PEAK1: variants seen among roughly 807,000 people sequenced by gnomAD.
PEAK1 encodes the protein inactive tyrosine-protein kinase PEAK1.
In PEAK1, 54 loss-of-function variants were observed where a neutral mutation model predicts 124.7. The ratio of observed to expected loss-of-function variants is 0.43; its 90% CI spans 0.35 to 0.54. PEAK1 has a LOEUF of 0.54. Ranked by LOEUF, PEAK1 falls within the 20% of genes least tolerant of loss-of-function variation. The pLI is 0.01. For missense variants in PEAK1, 2,046 were observed against 2,134.5 expected (o/e 0.96, Z 0.82); for synonymous variants, 719 against 760.0 (o/e 0.95, Z 0.89).
At chr15:77,126,739 T>C (rs2052409123) in intron 9 of PEAK1, among the ~76,000 whole-genome samples, 1 of 152,192 alleles carries the variant, frequency 6.6e-6, no homozygotes. Flanking sequence ...CACAGTGATA[T>C]CTTCAGAACT....
chr15:77,335,058 T>G (rs2066114353), intron 2 of PEAK1: 2 of 985,432 alleles, frequency 2.0e-6, no homozygotes, highest in Non-Finnish European at 2.4e-6. Context: ...TGGACAGGTT[T>G]CTTCTAGGGA....
chr15:77,132,043 AT>A (rs2052907908), intron 9 of PEAK1, among the ~76,000 whole-genome samples: 1 of 152,018 alleles, frequency 6.6e-6, no homozygotes, highest in Non-Finnish European at 1.5e-5. Context: ...CAGACCTCAT[AT>A]TTTTAGGTAG....
chr15:77,376,901 A>G (rs1057063573), intron 1 of PEAK1, among the ~76,000 whole-genome samples: 3 of 152,212 alleles, frequency 2.0e-5, no homozygotes, highest in Non-Finnish European at 4.4e-5. Context: ...ACAGGGATAC[A>G]TTCTGAGAAA....
chr15:77,352,346 A>G lies in PEAK1; in HGVS notation c.-603+12817T>C, dbSNP rs1308701708. 3 of 985,078 alleles carry G rather than the reference A, an allele frequency of 3.0e-6. No homozygotes were observed. In the Admixed American group the frequency reaches 1.8e-4, roughly 61 times the overall value. 61.0% of individuals were successfully genotyped at this position (985,078 alleles called of 1,614,324 possible). ...CTTACTCGATCTATCTCCAGAAATC[A>G]CTTTCTATCTACCTGAAACCCCAGA... On this transcript the variant is annotated intron_variant, in intron 2 of 9. Coordinates refer to ENST00000682557, the MANE Select transcript of PEAK1 (RefSeq NM_001385026.1).
At chr15:77,152,785 T>C (rs2152773918) in intron 8 of PEAK1, among the ~76,000 whole-genome samples, 1 of 152,308 alleles carries the variant, frequency 6.6e-6, no homozygotes, top group Non-Finnish European at 1.5e-5. Context: ...ATATGCTGGA[T>C]TACATTTATT....
intron 2 of PEAK1, among the ~76,000 whole-genome samples, chr15:77,291,621 A>G (rs1011284628): frequency 6.6e-6 from 1 of 152,146 alleles, no homozygotes; most frequent in African/African-American, 2.4e-5. Flanking sequence ...GGAATATGGA[A>G]TCATCCATCT....
intron 1 of PEAK1, among the ~76,000 whole-genome samples, chr15:77,415,026 A>G (rs1384275665): frequency 6.6e-6 from 1 of 152,254 alleles, no homozygotes; most frequent in Non-Finnish European, 1.5e-5. Context: ...TTTAAACCCA[A>G]GCTGTTCATC....
intron 1 of PEAK1, chr15:77,404,916 A>G (rs1400744781): frequency 3.2e-6 from 1 of 310,330 alleles, no homozygotes; most frequent in Non-Finnish European, 4.7e-6. Flanking sequence ...CAGCTCCTGT[A>G]TGCCTTTCAC....
intron 6 of PEAK1, among the ~76,000 whole-genome samples, chr15:77,246,846 G>C (rs2060612527): frequency 6.6e-6 from 1 of 151,848 alleles, no homozygotes; most frequent in Non-Finnish European, 1.5e-5. Context: ...AGTGAAGCCT[G>C]TCTATACTAA....
At chr15:77,355,745 T>G (rs1430156166) in intron 2 of PEAK1, 1 of 984,488 alleles carries the variant, frequency 1.0e-6, no homozygotes, top group Admixed American at 6.1e-5. Context: ...TTGCCTGTAA[T>G]TACGTAAATC....
intron 6 of PEAK1, among the ~76,000 whole-genome samples, chr15:77,238,756 G>A (rs2060232282): frequency 6.6e-6 from 1 of 152,114 alleles, no homozygotes; most frequent in Non-Finnish European, 1.5e-5. Context: ...GACAGCATTG[G>A]GAGTACTCCC....
At chr15:77,134,480 T>C (rs1054908548) in intron 8 of PEAK1, among the ~76,000 whole-genome samples, 2 of 152,196 alleles carry the variant, frequency 1.3e-5, no homozygotes, top group African/African-American at 2.4e-5. Context: ...CTCTTTTATT[T>C]TGGTGGGCAT....
intron 1 of PEAK1, among the ~76,000 whole-genome samples, chr15:77,382,158 G>A (rs868809518): frequency 6.6e-6 from 1 of 152,084 alleles, no homozygotes; most frequent in South Asian, 2.1e-4. Context: ...ACTTTAGTGG[G>A]GCAAGAGTGG....
intron 5 of PEAK1, among the ~76,000 whole-genome samples, chr15:77,258,890 G>A (rs1258239481): frequency 6.6e-6 from 1 of 152,118 alleles, no homozygotes; most frequent in African/African-American, 2.4e-5. Context: ...ATTATTTTGA[G>A]ATACGTCCCA....
At chr15:77,344,836 C>T (rs894008872) in intron 2 of PEAK1, among the ~76,000 whole-genome samples, 3 of 152,010 alleles carry the variant, frequency 2.0e-5, no homozygotes, top group Non-Finnish European at 4.4e-5. Context: ...ATTTCGAAAC[C>T]ATTTTTGGAT....
intron 2 of PEAK1, chr15:77,335,587 G>T (rs1017111609): frequency 7.9e-5 from 58 of 733,898 alleles, no homozygotes; most frequent in Non-Finnish European, 9.5e-5. Context: ...TAAGCGAACC[G>T]CCTGACACAG....
chr15:77,174,659 G>C (rs115461530), intron 7 of PEAK1, among the ~76,000 whole-genome samples: 2,539 of 152,216 alleles, frequency 0.017, 67 homozygotes, highest in African/African-American at 0.057. Context: ...GTGCCTTAAA[G>C]AAAAGTTTAA....
chr15:77,363,076 G>A (rs536381138), intron 2 of PEAK1, among the ~76,000 whole-genome samples: 5 of 152,104 alleles, frequency 3.3e-5, no homozygotes, highest in East Asian at 1.9e-4. Flanking sequence ...GGCTGGTCTC[G>A]AACTCCTTAC....
At chr15:77,343,509 C>G (rs1338805053) in intron 2 of PEAK1, among the ~76,000 whole-genome samples, 1 of 119,934 alleles carries the variant, frequency 8.3e-6, no homozygotes, top group Non-Finnish European at 1.6e-5. Flanking sequence ...TTTTTTGAGA[C>G]GGAGTCTCGC....
Sources: gnomAD v4.1 joint callset for allele counts (sites outside exome capture counted in the v4.1 genomes callset) on GRCh38, gnomAD v4.1.1 for gene constraint, MANE v1.5 for transcripts, NCBI Gene and HGNC (gene_info 2026-07-23, HGNC 2026-07-21) for gene names.